DNAJC11: variants seen among roughly 807,000 people sequenced by gnomAD.
DNAJC11 encodes the protein dnaJ homolog subfamily C member 11.
DNAJC11 carries 15 observed loss-of-function variants against 78.6 expected under a neutral mutation model. The ratio of observed to expected loss-of-function variants is 0.19; its 90% CI spans 0.13 to 0.29. DNAJC11 has a LOEUF of 0.29. Among genes scored for constraint, DNAJC11 ranks in the 10% least tolerant of loss-of-function variants. DNAJC11 has a pLI of 1.00. For missense variants in DNAJC11, 547 were observed against 709.6 expected (o/e 0.77, Z 2.60); for synonymous variants, 292 against 272.1 (o/e 1.07, Z -0.72).
At chr1:6,676,378 G>T (rs558713390) in intron 3 of DNAJC11, among the ~76,000 whole-genome samples, 58 of 152,252 alleles carry the variant, frequency 3.8e-4, no homozygotes, top group African/African-American at 1.4e-3. Context: ...ACTGTGTGAG[G>T]CAATCAAAAA....
chr1:6,700,897 T>G (rs1475458275), intron 1 of DNAJC11, among the ~76,000 whole-genome samples: 1 of 152,198 alleles, frequency 6.6e-6, no homozygotes, highest in Non-Finnish European at 1.5e-5. Context: ...CCTCATGACC[T>G]GACCCTGGAA....
At chr1:6,637,143 C>CTT in intron 14 of DNAJC11, 55 bp downstream of exon 14, 2 of 1,607,714 alleles carry the variant, frequency 1.2e-6, no homozygotes, top group Non-Finnish European at 1.7e-6. Context: ...AGTCACCGCG[C>CTT]CCAGCCTGTT....
rs765756313 is a variant in DNAJC11, at chr1:6,653,888, G to A, written c.507+23C>T. 3.1e-6 allele frequency: 5 copies of A among 1,609,522 alleles called. No homozygotes were observed. The highest frequency in any genetic ancestry group is 2.7e-5 in the African/African-American group (2 of 74,814). Reference sequence around the variant, plus strand: ...ATTAACTCGAGCCCTTGCTGTACTCGGAGAGGTGGTTGTGTGCTTTACCTC... The same window carrying A: ...ATTAACTCGAGCCCTTGCTGTACTCAGAGAGGTGGTTGTGTGCTTTACCTC... On this transcript the variant is annotated intron_variant, in intron 5 of 15. Coordinates refer to ENST00000377577, the MANE Select transcript of DNAJC11 (RefSeq NM_018198.4). The surrounding 1 kb of genome is among the most constrained non-coding windows in gnomAD (Gnocchi z 4.5).
At position 6,652,840 on chromosome 1, in the gene DNAJC11, C is replaced by T; in HGVS notation, c.619G>A (p.Gly207Arg). The T allele has an allele frequency of 6.2e-7, 1 of 1,614,166 alleles. No homozygotes were observed. The highest frequency in any genetic ancestry group is 8.5e-7 in the Non-Finnish European group (1 of 1,180,036). Residue 207 changes from glycine to arginine, a missense_variant, in exon 6 of 16, where the codon GGA becomes AGA. Transcript: ENST00000377577. ...FALRRVTSAK[G>R]WGELEFGAGD... is the part of the protein sequence containing the mutation. The stretch of plus-strand genomic sequence containing the variant: ...ATAGACATTCTTACCTCTCCCCATC[C>T]CTTTGCCGAAGTTACTCGTCTGAGC...
At position 6,634,777 on chromosome 1, in the gene DNAJC11, A is replaced by G; in HGVS notation, c.*898T>C. 1.5e-6 allele frequency: 2 copies of G among 1,322,394 alleles called. No homozygotes were observed. The highest frequency in any genetic ancestry group is 2.0e-6 in the Non-Finnish European group (2 of 998,372). The allele number at this position is 1,322,394 out of a possible 1,614,324, so 81.9% of individuals were successfully genotyped here. ...TGGACCTGCAGGAGCGGGGAGCTGC[A>G]GTGCCACCTGCTGGGTACCACGGGC... On this transcript the variant is annotated 3_prime_UTR_variant, in exon 16 of 16. Transcript: ENST00000377577.
chr1:6,679,151 ACT>A (rs1642516246), intron 2 of DNAJC11, among the ~76,000 whole-genome samples: 2 of 152,312 alleles, frequency 1.3e-5, no homozygotes, highest in African/African-American at 4.8e-5. Context: ...ATAAAAGTAC[ACT>A]GACTTGAAAG....
At chr1:6,700,402 G>A (rs557198253) in intron 1 of DNAJC11, among the ~76,000 whole-genome samples, 3 of 152,170 alleles carry the variant, frequency 2.0e-5, no homozygotes, top group African/African-American at 7.2e-5. Flanking sequence ...TCACACGGAC[G>A]CGCGTGACAC....
rs372645462 is a variant in DNAJC11 at position 6,646,039 on chromosome 1, C to T, written c.705-61G>A. On this transcript the variant is annotated intron_variant, in intron 7 of 15. Transcript: ENST00000377577. ...GCACCTGCTCTCAGCTGTTCTGTTA[C>T]TTCCTCTCTGCCTGGCTAAGACCTC... is the stretch of plus-strand genomic sequence containing the variant. The T allele has an allele frequency of 4.1e-5, 63 of 1,549,412 alleles. No homozygotes were observed. In the East Asian group the frequency reaches 1.1e-3, roughly 27 times the overall value.
rs1447509493 is a variant in DNAJC11 at position 6,634,247 on chromosome 1, A to G, written c.*1428T>C. ...AATGAAACGCAGAGGATGGGTGCCCAGAAGCACCTGCGGCAGAGGCGCACG... is the reference window on the plus strand; with the variant it reads ...AATGAAACGCAGAGGATGGGTGCCCGGAAGCACCTGCGGCAGAGGCGCACG... On this transcript the variant is annotated 3_prime_UTR_variant, in exon 16 of 16. Coordinates refer to ENST00000377577, the MANE Select transcript of DNAJC11 (RefSeq NM_018198.4). The G allele has an allele frequency of 4.6e-6, 4 of 876,098 alleles. No homozygotes were observed. The highest frequency in any genetic ancestry group is 6.9e-6 in the Non-Finnish European group (4 of 580,042). The allele number at this position is 876,098 out of a possible 1,614,324, so 54.3% of individuals were successfully genotyped here.
At position 6,664,581 on chromosome 1, in the gene DNAJC11, C is replaced by G. The variant is rs147060349; in HGVS notation, c.378+3128G>C. Among the ~76,000 whole-genome samples, 485 of 152,328 alleles carry G rather than the reference C, an allele frequency of 3.2e-3. 4 individuals carry two copies. Among genetic ancestry groups the G allele is most frequent in the African/African-American group, 0.011 (467 of 41,564 alleles). On this transcript the variant is annotated intron_variant, in intron 4 of 15. Coordinates refer to ENST00000377577, the MANE Select transcript of DNAJC11 (RefSeq NM_018198.4). ...TCCCAACTCACAGGTCCCACCATTC[C>G]TGACCAAGCCAAGAATTTCCTCCTC...
rs778503586 is a variant in DNAJC11, at chr1:6,634,667, G to A, written c.*1008C>T. On this transcript the variant is annotated 3_prime_UTR_variant, in exon 16 of 16. Coordinates refer to ENST00000377577, the MANE Select transcript of DNAJC11 (RefSeq NM_018198.4). ...CCGTGGAGGGGGTCCTAGCTCCGCTGCATTCTGCATCCCAAGTGGGCACGT... is the reference window on the plus strand; with the variant it reads ...CCGTGGAGGGGGTCCTAGCTCCGCTACATTCTGCATCCCAAGTGGGCACGT... 5.1e-6 allele frequency: 7 copies of A among 1,366,392 alleles called. No homozygotes were observed. The South Asian group carries it at 8.0e-5, about 16-fold the overall frequency. The allele number at this position is 1,366,392 out of a possible 1,614,324, so 84.6% of individuals were successfully genotyped here. A position where few individuals can be genotyped will look rare whatever the true frequency, so the allele number is the denominator to read the frequency against.
intron 1 of DNAJC11, among the ~76,000 whole-genome samples, chr1:6,684,391 T>C (rs1162408753): frequency 1.3e-5 from 2 of 152,232 alleles, no homozygotes; most frequent in Non-Finnish European, 2.9e-5. Context: ...CACAAATCAT[T>C]TTCTTTCTGC....
chr1:6,641,537 ATT>A (rs112447167), intron 10 of DNAJC11, among the ~76,000 whole-genome samples: 6 of 144,112 alleles, frequency 4.2e-5, no homozygotes, highest in African/African-American at 2.5e-5. Context: ...CAAGACAAAA[ATT>A]TTTTTTTTTT....
chr1:6,693,600 T>C (rs1642785833), intron 1 of DNAJC11, among the ~76,000 whole-genome samples: 1 of 152,130 alleles, frequency 6.6e-6, no homozygotes, highest in South Asian at 2.1e-4. Flanking sequence ...GCCAGGCTGA[T>C]CTCGAACTCC....
In DNAJC11 at chr1:6,653,064, G is replaced by T; in HGVS notation, c.508-113C>A. 8.0e-7 allele frequency: 1 copy of T among 1,248,298 alleles called. No homozygotes were observed. Among genetic ancestry groups the T allele is most frequent in the Non-Finnish European group, 1.1e-6 (1 of 884,232 alleles). The allele number at this position is 1,248,298 out of a possible 1,614,324, so 77.3% of individuals were successfully genotyped here. A position where few individuals can be genotyped will look rare whatever the true frequency, so the allele number is the denominator to read the frequency against. On this transcript the variant is annotated intron_variant, in intron 5 of 15. Coordinates refer to ENST00000377577, the MANE Select transcript of DNAJC11 (RefSeq NM_018198.4). This position sits in a 1 kb window ranked among gnomAD's most constrained non-coding sequence, Gnocchi z 4.5. ...GGCCAAAGGTGCAGACGATTCCTCT[G>T]TTCAGAAGCACACATGGATGCAGAA...
chr1:6,647,080 C>CTT (rs70981396), intron 7 of DNAJC11, among the ~76,000 whole-genome samples: 21,659 of 94,882 alleles, frequency 0.23, 2,529 homozygotes, highest in Admixed American at 0.35. Flanking sequence ...CTGGACAGGT[C>CTT]TTTTTTTTTT....
intron 4 of DNAJC11, among the ~76,000 whole-genome samples, chr1:6,658,384 T>G (rs1642162280): frequency 6.6e-6 from 1 of 152,110 alleles, no homozygotes. Context: ...ATGATCTGGG[T>G]CAACTGAGTA....
intron 10 of DNAJC11, among the ~76,000 whole-genome samples, chr1:6,641,404 T>TAC (rs765422306): frequency 2.3e-4 from 23 of 100,172 alleles, no homozygotes; most frequent in African/African-American, 3.6e-4. Context: ...TATATATATA[T>TAC]ATACACACAC....
chr1:6,670,425 C>T (rs1236045019), intron 3 of DNAJC11: 1 of 152,010 alleles, frequency 6.6e-6, no homozygotes, highest in African/African-American at 2.4e-5. Context: ...TGCACACACA[C>T]ATACACACAT....
Sources: allele counts gnomAD v4.1 joint callset (sites outside exome capture counted in the v4.1 genomes callset), GRCh38; gene constraint gnomAD v4.1.1; non-coding constraint Gnocchi (gnomAD v3.1); transcripts MANE v1.5; gene names NCBI Gene and HGNC (gene_info 2026-07-23, HGNC 2026-07-21).